KCNC4: variants seen among roughly 807,000 people sequenced by gnomAD.
KCNC4 encodes potassium voltage-gated channel subfamily C member 4.
A neutral mutation model predicts 42.8 loss-of-function variants in KCNC4; 23 were observed. The observed-to-expected ratio is 0.54, with a 90% CI of 0.39 to 0.76. KCNC4 has a LOEUF of 0.76. Ranked by LOEUF, KCNC4 falls within the 30% of genes least tolerant of loss-of-function variation. KCNC4 has a pLI of 0.00. For missense variants in KCNC4, 751 were observed against 898.2 expected, an observed-to-expected ratio of 0.84 and a Z score of 2.10; for synonymous variants, 422 against 393.5, an observed-to-expected ratio of 1.07 and a Z score of -0.86.
chr1:110,223,916 G>A lies in KCNC4; in HGVS notation c.1615+16G>A. The A allele has an allele frequency of 6.4e-7, 1 of 1,562,236 alleles. No individual in the cohort carries two copies. Among genetic ancestry groups the A allele is most frequent in the Non-Finnish European group, 8.7e-7 (1 of 1,149,590 alleles). The stretch of plus-strand genomic sequence containing the variant: ...AAACGGGCAGGTGAGATTAGGGGTT[G>A]GGAAGGAAAATCCCTTTTCCCCCAG... On this transcript the variant is annotated intron_variant, in intron 2 of 3. Transcript: ENST00000438661. The surrounding 1 kb of genome is among the most constrained non-coding windows in gnomAD (Gnocchi z 7.5).
At chr1:110,267,273 C>G (rs4838973) in intron 1 of KCNC4, among the ~76,000 whole-genome samples, 89,324 of 152,050 alleles carry the variant, frequency 0.59, 26,627 homozygotes, top group African/African-American at 0.68. Context: ...GCAGAAGAAC[C>G]ATGTGCTTGC....
At chr1:110,216,032 G>T (rs1657775761) in intron 1 of KCNC4, among the ~76,000 whole-genome samples, 1 of 152,182 alleles carries the variant, frequency 6.6e-6, no homozygotes, top group African/African-American at 2.4e-5. Flanking sequence ...TCTCACTGTG[G>T]GATTTCCATA....
downstream of KCNC4, chr1:110,237,802 G>A (rs1658941619): frequency 6.6e-6 from 1 of 152,274 alleles, no homozygotes; most frequent in African/African-American, 2.4e-5. Context: ...AGAGACATCT[G>A]TGTCTCCTCT....
chr1:110,215,839 T>C (rs1246942767), intron 1 of KCNC4, among the ~76,000 whole-genome samples: 1 of 152,212 alleles, frequency 6.6e-6, no homozygotes, highest in Non-Finnish European at 1.5e-5. Context: ...GTGGTAGAAC[T>C]AGGATCCAAA....
chr1:110,273,019 C>T (rs535837126), intron 1 of KCNC4, among the ~76,000 whole-genome samples: 14 of 152,176 alleles, frequency 9.2e-5, no homozygotes, highest in Non-Finnish European at 1.9e-4. Flanking sequence ...CCGCAGTTCC[C>T]CTGACAATTG....
Position 110,233,470 on chromosome 1 carries a change from C to A in KCNC4, c.*498C>A. 2 of 174,068 alleles carry A rather than the reference C, an allele frequency of 1.1e-5. No individual in the cohort carries two copies. Among genetic ancestry groups the A allele is most frequent in the South Asian group, 1.3e-4 (1 of 7,582 alleles). 10.8% of individuals were successfully genotyped at this position (174,068 alleles called of 1,614,324 possible). On this transcript the variant is annotated 3_prime_UTR_variant, in exon 4 of 4. Transcript: ENST00000438661. Reference sequence around the variant, plus strand: ...TGAAGTCTATTGAAGGCCAGACTGCCCCCTAGGGTCACTGCTTCACTAGCC... The same window carrying A: ...TGAAGTCTATTGAAGGCCAGACTGCACCCTAGGGTCACTGCTTCACTAGCC...
intron 1 of KCNC4, among the ~76,000 whole-genome samples, chr1:110,215,099 G>C (rs1391865446): frequency 6.6e-6 from 1 of 152,242 alleles, no homozygotes; most frequent in Non-Finnish European, 1.5e-5. Context: ...GCGTCCTTTC[G>C]CACACAGCAA....
chr1:110,250,101 C>T (rs1659224007), downstream of KCNC4, among the ~76,000 whole-genome samples: 1 of 152,198 alleles, frequency 6.6e-6, no homozygotes, highest in Admixed American at 6.5e-5. Context: ...TTTCTCATGC[C>T]AAATGAAACA....
At chr1:110,239,513 G>A (rs1010727860) in exon 4 of KCNC4, 6 of 152,168 alleles carry the variant, frequency 3.9e-5, no homozygotes, top group Non-Finnish European at 8.8e-5. Flanking sequence ...TTGTAACTAT[G>A]AATTGTGTAT....
At chr1:110,218,740 A>G (rs984848185) in intron 1 of KCNC4, among the ~76,000 whole-genome samples, 1 of 152,164 alleles carries the variant, frequency 6.6e-6, no homozygotes, top group South Asian at 2.1e-4. Flanking sequence ...GCAGAGCCCA[A>G]CTTGAACCCA....
rs55839432 is a variant in KCNC4, at chr1:110,281,555, A to AACACACACACACAC, written n.31-957_31-944dup. 1.1e-3 allele frequency among the ~76,000 whole-genome samples: 159 copies of AACACACACACACAC among 140,428 alleles called. 1 individual carries two copies. In the Middle Eastern group the frequency reaches 0.015, roughly 13 times the overall value. The allele number at this position is 140,428 out of a possible 152,430, so 92.1% of individuals were successfully genotyped here. A position where few individuals can be genotyped will look rare whatever the true frequency, so the allele number is the denominator to read the frequency against. On this transcript the variant is annotated intron_variant and non_coding_transcript_variant, in intron 1 of 2. Coordinates refer to the KCNC4 transcript ENST00000412512. The stretch of plus-strand genomic sequence containing the variant: ...TTATCTGACTCCCCACATATGTAAA[A>AACACACACACACAC]ACACACACACACACACACACACACA...
chr1:110,244,055 G>A (rs1468358774), exon 4 of KCNC4: 1 of 152,186 alleles, frequency 6.6e-6, no homozygotes, highest in African/African-American at 2.4e-5. Flanking sequence ...TTGGCAGGTG[G>A]AAGGTTTGGG....
At chr1:110,273,174 C>A (rs920304522) in intron 1 of KCNC4, among the ~76,000 whole-genome samples, 43 of 152,322 alleles carry the variant, frequency 2.8e-4, no homozygotes, top group African/African-American at 1.0e-3. Context: ...TACAGAGTGC[C>A]TTTCATTGAC....
At chr1:110,255,222 T>C (rs186044329) in intron 1 of KCNC4, among the ~76,000 whole-genome samples, 319 of 152,198 alleles carry the variant, frequency 2.1e-3, no homozygotes, top group Non-Finnish European at 3.9e-3. Flanking sequence ...ATCGTCGGAG[T>C]TGGACAAACA....
In KCNC4 at chr1:110,223,860, C is replaced by G. The variant is rs750070382; in HGVS notation, c.1575C>G (p.Pro525=). The G allele has an allele frequency of 6.2e-7, 1 of 1,605,176 alleles. No homozygotes were observed. Among genetic ancestry groups the G allele is most frequent in the Non-Finnish European group, 8.5e-7 (1 of 1,173,910 alleles). Reference sequence around the variant, plus strand: ...ACAGCACCTGCAGTGATACCAGCCCCCCTGCCCGGGAAGAGGGTATGATCG... The same window carrying G: ...ACAGCACCTGCAGTGATACCAGCCCGCCTGCCCGGGAAGAGGGTATGATCG... ...PRDSTCSDTS[P]PAREEGMIER... is the part of the protein sequence containing the mutation. The change falls in exon 2 of 4, where the codon CCC becomes CCG. Residue 525 remains proline, a synonymous_variant. Coordinates refer to ENST00000438661, the MANE Select transcript of KCNC4 (RefSeq NM_001039574.3). This position sits in a 1 kb window ranked among gnomAD's most constrained non-coding sequence, Gnocchi z 7.5.
chr1:110,280,704 G>T (rs746533854), intron 1 of KCNC4, among the ~76,000 whole-genome samples: 13 of 152,016 alleles, frequency 8.6e-5, no homozygotes, highest in Non-Finnish European at 1.5e-4. Context: ...TTTTTTTTCA[G>T]TATAAGTATG....
At chr1:110,250,866 G>A (rs1467185511), downstream of KCNC4, among the ~76,000 whole-genome samples, 1 of 152,182 alleles carries the variant, frequency 6.6e-6, no homozygotes, top group Non-Finnish European at 1.5e-5. Context: ...ATCAGGTGGA[G>A]AAGCAGGTGG....
At chr1:110,216,001 T>C (rs1407594038) in intron 1 of KCNC4, among the ~76,000 whole-genome samples, 2 of 152,170 alleles carry the variant, frequency 1.3e-5, no homozygotes, top group African/African-American at 4.8e-5. Context: ...CTCCCCAGAA[T>C]TGGTCAAGGA....
chr1:110,274,361 G>C lies in KCNC4; in HGVS notation n.31-8173G>C, dbSNP rs142727202. 2.0e-4 allele frequency among the ~76,000 whole-genome samples: 31 copies of C among 152,288 alleles called. No homozygotes were observed. In the East Asian group the frequency reaches 5.0e-3, roughly 25 times the overall value. ...CAAAACACTGATGAAAGAAACTGTA[G>C]ATGATATAAACAAATAGAAAAATAA... On this transcript the variant is annotated intron_variant and non_coding_transcript_variant, in intron 1 of 2. Transcript: ENST00000412512.
Sources: allele counts gnomAD v4.1 joint callset (sites outside exome capture counted in the v4.1 genomes callset), GRCh38; gene constraint gnomAD v4.1.1; non-coding constraint Gnocchi (gnomAD v3.1); transcripts MANE v1.5; gene names NCBI Gene and HGNC (gene_info 2026-07-23, HGNC 2026-07-21).